Variants in HMCN2 observed in about 807,000 individuals in gnomAD.
HMCN2 encodes the protein hemicentin 2, also known as hemicentin-2.
In HMCN2, 325 loss-of-function variants were observed where a neutral mutation model predicts 377.5. The observed-to-expected ratio is 0.86, with a 90% CI of 0.79 to 0.94. HMCN2 has a LOEUF of 0.94. Ranked by LOEUF, HMCN2 falls within the 40% of genes least tolerant of loss-of-function variation. The pLI, the probability that HMCN2 is intolerant of heterozygous loss-of-function variation, is 0.00. For synonymous variants in HMCN2, 2,007 were observed against 2,046.8 expected, an observed-to-expected ratio of 0.98 and a Z score of 0.53; for missense variants, 4,543 against 4,725.3, an observed-to-expected ratio of 0.96 and a Z score of 1.13.
chr9:130,391,634 G>A (rs772520535), intron 65 of HMCN2, 60 bp downstream of exon 65: 8 of 985,164 alleles, frequency 8.1e-6, no homozygotes, highest in Non-Finnish European at 9.6e-6. Flanking sequence ...GAGATAAGGC[G>A]ACATGTGAGC....
intron 2 of HMCN2, 69 bp downstream of exon 2, chr9:130,284,742 A>G: frequency 2.1e-6 from 1 of 466,634 alleles, no homozygotes; most frequent in Non-Finnish European, 4.4e-6. Context: ...TTGGGGAGGT[A>G]GCTTCGAGTG....
At chr9:130,409,142 A>G (rs1393127568) in intron 84 of HMCN2, among the ~76,000 whole-genome samples, 3 of 152,166 alleles carry the variant, frequency 2.0e-5, no homozygotes, top group Non-Finnish European at 4.4e-5. Context: ...CACCCATTCA[A>G]TGGAGCGAAT....
chr9:130,324,601 A>T (rs1425315703), intron 19 of HMCN2, among the ~76,000 whole-genome samples: 5 of 151,224 alleles, frequency 3.3e-5, no homozygotes, highest in Non-Finnish European at 7.4e-5. Flanking sequence ...TTTATTTTAG[A>T]TGGGTTCCCT....
chr9:130,391,058 A>G lies in HMCN2; in HGVS notation c.9605A>G (p.Tyr3202Cys). The change falls in exon 63 of 98, where the codon TAC becomes TGC. Residue 3202 changes from tyrosine to cysteine, a missense_variant. Tyr to Cys is a radical substitution (Grantham distance 194). Around this residue, in one of 5 missense-constraint regions of HMCN2, gnomAD observed 736 missense variants for 773.2 expected, o/e 0.95. Coordinates refer to ENST00000683500, the MANE Select transcript of HMCN2 (RefSeq NM_001291815.2). ...SRLQPAQAGT[Y>C]TCVAENTQAE... ...CTGCAACCGGCCCAGGCGGGCACCTACACGTGCGTGGCTGAGAACACCCAG... is the reference window on the plus strand; with the variant it reads ...CTGCAACCGGCCCAGGCGGGCACCTGCACGTGCGTGGCTGAGAACACCCAG... 2 of 987,908 alleles carry G rather than the reference A, an allele frequency of 2.0e-6. No individual in the cohort carries two copies. Among genetic ancestry groups the G allele is most frequent in the Non-Finnish European group, 2.4e-6 (2 of 830,396 alleles). The allele number at this position is 987,908 out of a possible 1,614,324, so 61.2% of individuals were successfully genotyped here.
chr9:130,346,351 C>T (rs1050112495), intron 25 of HMCN2, among the ~76,000 whole-genome samples: 1 of 152,178 alleles, frequency 6.6e-6, no homozygotes, highest in Non-Finnish European at 1.5e-5. Flanking sequence ...GAAAGCTCCA[C>T]TCCAGCCCAG....
chr9:130,326,597 T>A (rs931203573), intron 21 of HMCN2, among the ~76,000 whole-genome samples: 1 of 151,124 alleles, frequency 6.6e-6, no homozygotes, highest in African/African-American at 2.4e-5. Context: ...AAAAAAAAAA[T>A]TCCTAATGGG....
chr9:130,312,604 CTT>C (rs1837327422), intron 15 of HMCN2, among the ~76,000 whole-genome samples: 30 of 102,186 alleles, frequency 2.9e-4, no homozygotes, highest in Non-Finnish European at 5.2e-4. Context: ...TTCTTTCTTT[CTT>C]TCTTTCTTTC....
chr9:130,379,939 A>T (rs1841614254), intron 54 of HMCN2, among the ~76,000 whole-genome samples: 2 of 152,132 alleles, frequency 1.3e-5, no homozygotes, highest in Non-Finnish European at 2.9e-5. Flanking sequence ...GCAATGGTGC[A>T]ACCTTGGCTC....
At chr9:130,275,742 G>T (rs550523031) in intron 1 of HMCN2, among the ~76,000 whole-genome samples, 1 of 152,112 alleles carries the variant, frequency 6.6e-6, no homozygotes, top group Non-Finnish European at 1.5e-5. Flanking sequence ...GAGCCACCAC[G>T]CCCGGCCGTG....
rs1554936113 is a variant in HMCN2, at chr9:130,304,923, C to G, written c.1737C>G (p.Pro579=). 1 of 471,172 alleles carries G rather than the reference C, an allele frequency of 2.1e-6. No homozygotes were observed. Among genetic ancestry groups the G allele is most frequent in the East Asian group, 6.9e-5 (1 of 14,394 alleles). The allele number at this position is 471,172 out of a possible 1,614,324, so 29.2% of individuals were successfully genotyped here. The change falls in exon 11 of 98, where the codon CCC becomes CCG. Residue 579 remains proline, a synonymous_variant. Transcript: ENST00000683500. The surrounding 1 kb of genome is among the most constrained non-coding windows in gnomAD (Gnocchi z 4.3). Reference sequence around the variant, plus strand: ...CCCTGGAGATCAGTGGCATCATCCCCACAGACGGCGGGAGGTACCAGTGTG... The same window carrying G: ...CCCTGGAGATCAGTGGCATCATCCCGACAGACGGCGGGAGGTACCAGTGTG... ...DLSLEISGII[P]TDGGRYQCVA... is the part of the protein sequence containing the mutation.
At chr9:130,426,355 G>A (rs1019803981) in intron 90 of HMCN2, among the ~76,000 whole-genome samples, 3 of 152,228 alleles carry the variant, frequency 2.0e-5, no homozygotes, top group African/African-American at 4.8e-5. Context: ...AGATACATAC[G>A]TTCACATTAT....
intron 4 of HMCN2, among the ~76,000 whole-genome samples, chr9:130,292,337 A>G (rs1355594772): frequency 3.3e-5 from 5 of 152,198 alleles, no homozygotes; most frequent in Non-Finnish European, 5.9e-5. Context: ...CAGTTTTAGC[A>G]TCCACTGAGG....
rs867425551 is a variant in HMCN2, at chr9:130,391,400, G to A, written c.9827+37G>A. 17 of 987,694 alleles carry A rather than the reference G, an allele frequency of 1.7e-5. No homozygotes were observed. The South Asian group carries it at 7.0e-4, about 41-fold the overall frequency. 61.2% of individuals were successfully genotyped at this position (987,694 alleles called of 1,614,324 possible). ...CCCATGCCCTCCCCAGAGGCGGTAG[G>A]GCCCATGTTCCCTTACGCCTCTGCC... is the stretch of plus-strand genomic sequence containing the variant. On this transcript the variant is annotated intron_variant, in intron 64 of 97. Transcript: ENST00000683500.
Position 130,302,908 on chromosome 9 carries a change from C to T in HMCN2, c.1328C>T (p.Pro443Leu), listed in dbSNP as rs942066734. Residue 443 changes from proline (P) to leucine (L), a missense_variant, in exon 9 of 98, where the codon CCC becomes CTC. Pro to Leu is a moderately conservative substitution (Grantham distance 98, BLOSUM62 -3). Transcript: ENST00000683500. Reference sequence around the variant, plus strand: ...AGGATCCATGGCTACCTGCACCAGCCCCTGCTGGTCTCCTGCTCGGTGCAC... The same window carrying T: ...AGGATCCATGGCTACCTGCACCAGCTCCTGCTGGTCTCCTGCTCGGTGCAC... ...APRIHGYLHQ[P>L]LLVSCSVHSA... The T allele has an allele frequency of 6.4e-6, 3 of 470,514 alleles. No individual in the cohort carries two copies. Among genetic ancestry groups the T allele is most frequent in the South Asian group, 3.1e-5 (2 of 64,508 alleles). The allele number at this position is 470,514 out of a possible 1,614,324, so 29.1% of individuals were successfully genotyped here. A position where few individuals can be genotyped will look rare whatever the true frequency, so the allele number is the denominator to read the frequency against.
intron 11 of HMCN2, 146 bp from the exon 12 acceptor site, chr9:130,305,983 C>G (rs548331483): frequency 8.0e-6 from 3 of 375,414 alleles, no homozygotes; most frequent in African/African-American, 4.2e-5. Flanking sequence ...AAGCCACACC[C>G]GGGAGATTGA....
At chr9:130,349,178 T>C in intron 28 of HMCN2, 47 bp downstream of exon 28, 1 of 1,286,796 alleles carries the variant, frequency 7.8e-7, no homozygotes. Context: ...TCTGGCCCTG[T>C]AGCCCCAACT....
intron 84 of HMCN2, 31 bp from the exon 85 acceptor site, chr9:130,410,540 A>T: frequency 6.5e-7 from 1 of 1,545,722 alleles, no homozygotes; most frequent in Non-Finnish European, 8.8e-7. Flanking sequence ...TTCTCTGAGC[A>T]CCATGCCTCC....
In HMCN2 at chr9:130,403,232, GCAGT is replaced by G. The variant is rs1162121438; in HGVS notation, c.11918_11921del (p.Ala3973GlyfsTer33). ...GAAGCCGCTGCCCAGCGTGGTTCGG[GCAGT>G]GGCAGAGGAGGAGGTGCTGCTGCCC... On this transcript the variant is annotated frameshift_variant, in exon 79 of 98. Coordinates refer to ENST00000683500, the MANE Select transcript of HMCN2 (RefSeq NM_001291815.2). LOFTEE classifies it high-confidence loss of function. 33 of 1,289,670 alleles carry G rather than the reference GCAGT, an allele frequency of 2.6e-5. No homozygotes were observed. The highest frequency in any genetic ancestry group is 3.3e-5 in the Non-Finnish European group (33 of 988,860). The allele number at this position is 1,289,670 out of a possible 1,614,324, so 79.9% of individuals were successfully genotyped here.
intron 85 of HMCN2, among the ~76,000 whole-genome samples, chr9:130,417,628 A>T (rs929306158): frequency 6.6e-6 from 1 of 150,706 alleles, no homozygotes; most frequent in Non-Finnish European, 1.5e-5. Context: ...GAGGCAGAGG[A>T]TGGATTGTTG....
Sources: gnomAD v4.1 joint callset for allele counts (sites outside exome capture counted in the v4.1 genomes callset) on GRCh38, gnomAD v4.1.1 for gene constraint, gnomAD v4.1.1 regional missense constraint, Gnocchi (gnomAD v3.1) non-coding constraint, MANE v1.5 for transcripts, NCBI Gene and HGNC (gene_info 2026-07-23, HGNC 2026-07-21) for gene names.